Variants in TRPM7 observed in about 807,000 individuals in gnomAD.
TRPM7 encodes the protein transient receptor potential cation channel subfamily M member 7.
Under a neutral mutation model 229.7 loss-of-function variants are expected in TRPM7, and 134 were observed. That is an observed-to-expected ratio of 0.58 (90% CI 0.51 to 0.67). TRPM7 has a LOEUF of 0.67. TRPM7 is among the 30% of genes least tolerant of loss of function. TRPM7 has a pLI of 0.00. For missense variants in TRPM7, 1,901 were observed against 2,210.0 expected (o/e 0.86, Z 2.80); for synonymous variants, 699 against 715.2 (o/e 0.98, Z 0.36).
intron 1 of TRPM7, among the ~76,000 whole-genome samples, chr15:50,670,272 T>C (rs1298953177): frequency 1.3e-5 from 2 of 152,102 alleles, no homozygotes; most frequent in Non-Finnish European, 1.5e-5. Context: ...TAAACCAGAG[T>C]GACTCCATCT....
At chr15:50,614,664 CAAA>C (rs59336476) in intron 13 of TRPM7, among the ~76,000 whole-genome samples, 1,762 of 92,324 alleles carry the variant, frequency 0.019, 19 homozygotes, top group African/African-American at 0.083. Context: ...GACTTGGTCT[CAAA>C]AAAAAAAAAA....
At chr15:50,683,369 T>A (rs1015852548) in intron 1 of TRPM7, among the ~76,000 whole-genome samples, 15 of 151,022 alleles carry the variant, frequency 9.9e-5, no homozygotes, top group Non-Finnish European at 1.3e-4. Context: ...ATGAATAACA[T>A]ATGGGGAACT....
intron 3 of TRPM7, among the ~76,000 whole-genome samples, chr15:50,652,307 T>G (rs368373504): frequency 9.0e-6 from 1 of 111,024 alleles, no homozygotes; most frequent in South Asian, 3.1e-4. Flanking sequence ...CACTGCAGCC[T>G]GGCTGAGTGA....
intron 5 of TRPM7, among the ~76,000 whole-genome samples, chr15:50,641,890 C>T (rs1384693543): frequency 6.6e-6 from 1 of 151,638 alleles, no homozygotes; most frequent in Non-Finnish European, 1.5e-5. Flanking sequence ...ATCCCAGCTA[C>T]TTGGGAGGCT....
chr15:50,650,773 G>A (rs1040242084), intron 3 of TRPM7, among the ~76,000 whole-genome samples: 7 of 152,086 alleles, frequency 4.6e-5, no homozygotes, highest in African/African-American at 1.4e-4. Flanking sequence ...GACCTGAAAG[G>A]ATCAAACTGA....
intron 6 of TRPM7, among the ~76,000 whole-genome samples, chr15:50,638,877 C>T (rs562207065): frequency 6.6e-6 from 1 of 152,196 alleles, no homozygotes; most frequent in South Asian, 2.1e-4. Context: ...GACGGGGTTT[C>T]ACCATGTTGG....
At chr15:50,565,183 T>C (rs1313875246) in intron 38 of TRPM7, among the ~76,000 whole-genome samples, 1 of 152,138 alleles carries the variant, frequency 6.6e-6, no homozygotes, top group Non-Finnish European at 1.5e-5. Flanking sequence ...GTTTTCACCA[T>C]GTTGGCCAGG....
chr15:50,570,450 C>T (rs1186861888), intron 36 of TRPM7, among the ~76,000 whole-genome samples: 3 of 152,092 alleles, frequency 2.0e-5, no homozygotes, highest in Non-Finnish European at 4.4e-5. Flanking sequence ...ATGCAAATAC[C>T]TCCTTACTTG....
chr15:50,625,423 T>C (rs965331938), intron 11 of TRPM7, among the ~76,000 whole-genome samples: 1 of 152,170 alleles, frequency 6.6e-6, no homozygotes, highest in Non-Finnish European at 1.5e-5. Context: ...TTTAAGTATA[T>C]ACTTTCTGTT....
chr15:50,597,025 C>T (rs188324008), intron 22 of TRPM7, among the ~76,000 whole-genome samples: 8 of 152,228 alleles, frequency 5.3e-5, no homozygotes, highest in African/African-American at 1.7e-4. Context: ...TGGGATTATA[C>T]GCATGACTCA....
intron 1 of TRPM7, among the ~76,000 whole-genome samples, chr15:50,685,457 AAAAC>A (rs1222389062): frequency 2.6e-5 from 4 of 152,266 alleles, no homozygotes; most frequent in Non-Finnish European, 5.9e-5. Context: ...ACCCTGTCTC[AAAAC>A]AAACAAACAA....
chr15:50,626,594 CATATACACAGAAGATAA>C (rs2060566654), intron 11 of TRPM7, among the ~76,000 whole-genome samples: 2 of 152,160 alleles, frequency 1.3e-5, no homozygotes, highest in South Asian at 4.1e-4. Flanking sequence ...AGACAAACCA[CATATACACAGAAGATAA>C]ATGCTTCATC....
At chr15:50,655,860 T>C (rs1417507607) in intron 3 of TRPM7, among the ~76,000 whole-genome samples, 1 of 151,986 alleles carries the variant, frequency 6.6e-6, no homozygotes, top group African/African-American at 2.4e-5. Flanking sequence ...CATGGTGGTG[T>C]GTGCCTGTAA....
chr15:50,673,219 C>T (rs1425327374), intron 1 of TRPM7, among the ~76,000 whole-genome samples: 1 of 152,170 alleles, frequency 6.6e-6, no homozygotes, highest in Non-Finnish European at 1.5e-5. Context: ...GGTCCACAAG[C>T]TCCATTCACA....
intron 15 of TRPM7, among the ~76,000 whole-genome samples, 156 bp downstream of exon 15, chr15:50,613,551 A>G (rs1395790389): frequency 2.6e-5 from 4 of 151,426 alleles, no homozygotes. Context: ...CTTATAATTA[A>G]TATCTCTGTG....
chr15:50,667,065 A>G (rs988544177), intron 1 of TRPM7, among the ~76,000 whole-genome samples: 1 of 152,138 alleles, frequency 6.6e-6, no homozygotes, highest in East Asian at 1.9e-4. Flanking sequence ...CTGGCAAACC[A>G]TAAAGGGATG....
chr15:50,648,817 T>A lies in TRPM7; in HGVS notation c.191A>T (p.Asp64Val), dbSNP rs752664195. 5.6e-6 allele frequency: 9 copies of A among 1,613,104 alleles called. No homozygotes were observed. The South Asian group carries it at 9.9e-5, about 18-fold the overall frequency. ...FTASLAMKYSDVKLGDHFNQA... is the reference protein window; with the variant it reads ...FTASLAMKYSVVKLGDHFNQA... ...ATTAAAATGGTCACCCAATTTCACA[T>A]CTGAGTATTTCATGGCAAGACTTGC... Residue 64 changes from aspartate (D) to valine (V), a missense_variant, in exon 4 of 39, where the codon GAT becomes GTT. Physicochemically the swap from Asp to Val is radical, Grantham distance 152. This residue lies in a region of TRPM7 where 794 missense variants were observed against 881.9 expected (regional missense o/e 0.90). Coordinates refer to ENST00000646667, the MANE Select transcript of TRPM7 (RefSeq NM_017672.6).
chr15:50,616,753 T>C (rs572757308), intron 13 of TRPM7, among the ~76,000 whole-genome samples: 1 of 152,188 alleles, frequency 6.6e-6, no homozygotes, highest in African/African-American at 2.4e-5. Flanking sequence ...CAATCTCAGC[T>C]TGCTGCAACC....
intron 22 of TRPM7, among the ~76,000 whole-genome samples, chr15:50,598,202 G>C (rs2059683203): frequency 6.6e-6 from 1 of 151,948 alleles, no homozygotes; most frequent in African/African-American, 2.4e-5. Context: ...ATAAGAGTGA[G>C]AGAGAATCAA....
Sources: gnomAD v4.1 joint callset for allele counts (sites outside exome capture counted in the v4.1 genomes callset) on GRCh38, gnomAD v4.1.1 for gene constraint, gnomAD v4.1.1 regional missense constraint, MANE v1.5 for transcripts, NCBI Gene and HGNC (gene_info 2026-07-23, HGNC 2026-07-21) for gene names.